ARB2A: variants seen among roughly 807,000 people sequenced by gnomAD.
ARB2A encodes the protein cotranscriptional regulator ARB2A.
the ARB2A span, chr5:93,881,281 C>T: frequency 2.3e-6 from 1 of 439,042 alleles, no homozygotes; most frequent in Non-Finnish European, 4.0e-6. Flanking sequence ...AAATGTCACA[C>T]TGAAATAAGA....
chr5:93,752,343 T>C, the ARB2A span, among the ~76,000 whole-genome samples: 2 of 152,216 alleles, frequency 1.3e-5, no homozygotes, highest in African/African-American at 4.8e-5. Flanking sequence ...AGTGTTTCCA[T>C]ATTAACTCAA....
At chr5:94,049,329 T>C in the ARB2A span, among the ~76,000 whole-genome samples, 1 of 152,144 alleles carries the variant, frequency 6.6e-6, no homozygotes, top group African/African-American at 2.4e-5. Flanking sequence ...TAGCCAAATA[T>C]CAATATTCTT....
At chr5:93,956,445 T>C in the ARB2A span, among the ~76,000 whole-genome samples, 1 of 152,164 alleles carries the variant, frequency 6.6e-6, no homozygotes, top group Non-Finnish European at 1.5e-5. Flanking sequence ...TTCAGTCTTA[T>C]ACCAAAAATC....
At chr5:93,879,269 T>G in the ARB2A span, among the ~76,000 whole-genome samples, 121,299 of 151,918 alleles carry the variant, frequency 0.8, 49,002 homozygotes, top group East Asian at 0.95. Flanking sequence ...TCTAGAAGTA[T>G]GTTTGAAGAG....
chr5:93,939,362 T>C, the ARB2A span, among the ~76,000 whole-genome samples: 1 of 152,124 alleles, frequency 6.6e-6, no homozygotes, highest in East Asian at 1.9e-4. Flanking sequence ...TGCACCATAA[T>C]GGAAATACAT....
the ARB2A span, among the ~76,000 whole-genome samples, chr5:93,729,347 GC>G: frequency 6.6e-6 from 1 of 152,048 alleles, no homozygotes; most frequent in Non-Finnish European, 1.5e-5. Flanking sequence ...TTAGTGCCTA[GC>G]CCTTAACAGG....
the ARB2A span, among the ~76,000 whole-genome samples, chr5:94,070,576 A>G: frequency 6.6e-6 from 1 of 152,126 alleles, no homozygotes; most frequent in Non-Finnish European, 1.5e-5. Context: ...CATTCTATGC[A>G]TATAACAAAA....
the ARB2A span, among the ~76,000 whole-genome samples, chr5:93,706,642 C>T: frequency 0.11 from 17,397 of 151,964 alleles, 1,149 homozygotes; most frequent in Middle Eastern, 0.18. Flanking sequence ...CCGAGACTGG[C>T]GCATCACAAG....
chr5:94,026,809 T>C, the ARB2A span, among the ~76,000 whole-genome samples: 1 of 152,168 alleles, frequency 6.6e-6, no homozygotes, highest in Admixed American at 6.5e-5. Context: ...CCGCCCCATC[T>C]GCCTAGGATT....
At chr5:93,675,528 C>G in the ARB2A span, among the ~76,000 whole-genome samples, 1 of 152,182 alleles carries the variant, frequency 6.6e-6, no homozygotes, top group Admixed American at 6.5e-5. Context: ...AAAACAAAAA[C>G]CTCACTCAGC....
At chr5:93,914,440 T>G in the ARB2A span, among the ~76,000 whole-genome samples, 2 of 151,990 alleles carry the variant, frequency 1.3e-5, no homozygotes, top group African/African-American at 4.8e-5. Flanking sequence ...GCATCCAAAA[T>G]AGTACTATCT....
the ARB2A span, among the ~76,000 whole-genome samples, chr5:93,856,155 C>T: frequency 4.6e-5 from 7 of 152,268 alleles, no homozygotes; most frequent in South Asian, 4.2e-4. Context: ...CCAAGAGATC[C>T]GCTGTTAGTC....
the ARB2A span, among the ~76,000 whole-genome samples, chr5:93,768,592 T>G: frequency 6.6e-6 from 1 of 151,710 alleles, no homozygotes. Context: ...TGTGTGTGTG[T>G]ATATATATGT....
At chr5:93,643,412 G>A in the ARB2A span, among the ~76,000 whole-genome samples, 1 of 152,130 alleles carries the variant, frequency 6.6e-6, no homozygotes, top group Non-Finnish European at 1.5e-5. Context: ...TTGATGGCAT[G>A]TATGTAAAAC....
At chr5:94,013,599 T>C in the ARB2A span, among the ~76,000 whole-genome samples, 2 of 151,914 alleles carry the variant, frequency 1.3e-5, no homozygotes, top group East Asian at 1.9e-4. Flanking sequence ...AAAAAGCCAA[T>C]ACAGAAAATA....
At chr5:93,850,259 A>C in the ARB2A span, among the ~76,000 whole-genome samples, 1 of 152,170 alleles carries the variant, frequency 6.6e-6, no homozygotes, top group Non-Finnish European at 1.5e-5. Flanking sequence ...TTCCTGGAAA[A>C]CTGATATTCA....
At chr5:93,911,112 T>TA in the ARB2A span, among the ~76,000 whole-genome samples, 1 of 151,612 alleles carries the variant, frequency 6.6e-6, no homozygotes, top group African/African-American at 2.4e-5. Context: ...TGTGCTGACT[T>TA]ACAGCATTTA....
At chr5:94,059,919 C>T in the ARB2A span, among the ~76,000 whole-genome samples, 2 of 151,980 alleles carry the variant, frequency 1.3e-5, no homozygotes, top group Non-Finnish European at 2.9e-5. Context: ...TGATACTAAA[C>T]AGAAATATTA....
the ARB2A span, among the ~76,000 whole-genome samples, chr5:93,661,752 G>A: frequency 2.9e-4 from 44 of 152,262 alleles, no homozygotes; most frequent in Middle Eastern, 3.4e-3. Context: ...CTGCAGGTTG[G>A]AAAAGCTTGC....
Sources: gnomAD v4.1 joint callset for allele counts (sites outside exome capture counted in the v4.1 genomes callset) on GRCh38, gnomAD v4.1.1 for gene constraint, MANE v1.5 for transcripts, NCBI Gene and HGNC (gene_info 2026-07-23, HGNC 2026-07-21) for gene names.